The following CLIP1 variants were observed in gnomAD, a reference collection of about 807,000 sequenced individuals.
The protein encoded by CLIP1 is CAP-Gly domain-containing linker protein 1.
Under a neutral mutation model 161.6 loss-of-function variants are expected in CLIP1, and 66 were observed. The observed-to-expected ratio is 0.41, with a 90% CI of 0.33 to 0.50. CLIP1 has a LOEUF of 0.50. CLIP1 is among the 20% of genes least tolerant of loss of function. The pLI, the probability that CLIP1 is intolerant of heterozygous loss-of-function variation, is 0.27. For synonymous variants in CLIP1, 598 were observed against 626.2 expected, an observed-to-expected ratio of 0.96 and a Z score of 0.67; for missense variants, 1,376 against 1,702.0, an observed-to-expected ratio of 0.81 and a Z score of 3.37.
At chr12:122,293,911 TCTC>T (rs1370847966) in intron 20 of CLIP1, among the ~76,000 whole-genome samples, 1 of 151,562 alleles carries the variant, frequency 6.6e-6, no homozygotes, top group South Asian at 2.1e-4. Context: ...TTCACACCAT[TCTC>T]CTGCCTCAGC....
In CLIP1 at chr12:122,272,596, G is replaced by A. The variant is rs1229641875; in HGVS notation, c.*279C>T. On this transcript the variant is annotated 3_prime_UTR_variant, in exon 26 of 26. Transcript: ENST00000620786. ...GGTAGGGGTTTTTCTACAAGGTCGGGGGGCCAATAAATGTAATGGCATCTG... is the reference window on the plus strand; with the variant it reads ...GGTAGGGGTTTTTCTACAAGGTCGGAGGGCCAATAAATGTAATGGCATCTG... 2.6e-6 allele frequency: 1 copy of A among 381,118 alleles called. No homozygotes were observed. Among genetic ancestry groups the A allele is most frequent in the Non-Finnish European group, 4.8e-6 (1 of 207,302 alleles). 23.6% of individuals were successfully genotyped at this position (381,118 alleles called of 1,614,324 possible). A position where few individuals can be genotyped will look rare whatever the true frequency, so the allele number is the denominator to read the frequency against.
At chr12:122,354,157 G>A (rs1485648640) in intron 7 of CLIP1, among the ~76,000 whole-genome samples, 2 of 151,928 alleles carry the variant, frequency 1.3e-5, no homozygotes, top group African/African-American at 4.8e-5. Context: ...CACTTTGGGA[G>A]GCTGAGGCAG....
Position 122,361,200 on chromosome 12 carries a change from A to G in CLIP1, c.783-19T>C. The G allele has an allele frequency of 6.4e-7, 1 of 1,566,588 alleles. No homozygotes were observed. The highest frequency in any genetic ancestry group is 2.3e-5 in the East Asian group (1 of 44,238). Reference sequence around the variant, plus strand: ...AAAATACCTTTAGAGAACAATAAGAACAATAACAAAAAACAACTTAATCAC... The same window carrying G: ...AAAATACCTTTAGAGAACAATAAGAGCAATAACAAAAAACAACTTAATCAC... On this transcript the variant is annotated intron_variant, in intron 4 of 25. Transcript: ENST00000620786.
In CLIP1 at chr12:122,278,818, T is replaced by G; in HGVS notation, c.3890A>C (p.Asn1297Thr). The G allele has an allele frequency of 6.2e-7, 1 of 1,606,624 alleles. No individual in the cohort carries two copies. The highest frequency in any genetic ancestry group is 8.5e-7 in the Non-Finnish European group (1 of 1,177,120). The change falls in exon 23 of 26, where the codon AAC becomes ACC. Residue 1297 changes from asparagine to threonine, a missense_variant. Asn to Thr is a moderately conservative substitution (Grantham distance 65). This residue lies in a region of CLIP1 where 948 missense variants were observed against 1,134.8 expected (regional missense o/e 0.84). Transcript: ENST00000620786. Reference sequence around the variant, plus strand: ...TGAGGAGCTGCTGAGCTGCCTCTTGTTTTCTTTGAGTTGAAGCTCCAAGTT... The same window carrying G: ...TGAGGAGCTGCTGAGCTGCCTCTTGGTTTCTTTGAGTTGAAGCTCCAAGTT... ...VKNLELQLKE[N>T]KRQLSSSSGN...
At chr12:122,389,783 A>AAAAAAAAAG (rs1955510906) in intron 1 of CLIP1, among the ~76,000 whole-genome samples, 1 of 145,230 alleles carries the variant, frequency 6.9e-6, no homozygotes, top group Non-Finnish European at 1.5e-5. Context: ...AAAAAAAAAA[A>AAAAAAAAAG]GAATTTATAA....
At chr12:122,415,723 G>T (rs1956730271) in intron 1 of CLIP1, among the ~76,000 whole-genome samples, 1 of 151,838 alleles carries the variant, frequency 6.6e-6, no homozygotes, top group Non-Finnish European at 1.5e-5. Flanking sequence ...AGAGGCTGAG[G>T]CAGGAGAATT....
At chr12:122,357,188 G>A (rs1397384450) in intron 5 of CLIP1, among the ~76,000 whole-genome samples, 3 of 151,858 alleles carry the variant, frequency 2.0e-5, no homozygotes, top group Non-Finnish European at 2.9e-5. Context: ...CATCTAGGAA[G>A]TGAGGAGCGT....
chr12:122,319,169 A>C, intron 18 of CLIP1, 63 bp downstream of exon 18: 1 of 1,144,584 alleles, frequency 8.7e-7, no homozygotes, highest in Non-Finnish European at 1.3e-6. Context: ...TGAGTCAGTG[A>C]CCAAACATTC....
chr12:122,376,135 G>A (rs367902833), intron 3 of CLIP1, among the ~76,000 whole-genome samples: 1 of 151,708 alleles, frequency 6.6e-6, no homozygotes, highest in East Asian at 2.0e-4. Flanking sequence ...ACGGGGTGTC[G>A]CCATGTTGGC....
At chr12:122,365,524 G>A (rs1046020559) in intron 3 of CLIP1, 4 of 868,550 alleles carry the variant, frequency 4.6e-6, no homozygotes, top group African/African-American at 3.4e-5. Flanking sequence ...AAGGGACCTG[G>A]GTTCAACTCA....
chr12:122,407,713 G>A (rs1359885939), intron 1 of CLIP1, among the ~76,000 whole-genome samples: 6 of 110,178 alleles, frequency 5.4e-5, no homozygotes, highest in East Asian at 2.9e-4. Flanking sequence ...GTGAGAACAC[G>A]TGCTACAAGG....
At chr12:122,417,322 C>T (rs1956789865) in intron 1 of CLIP1, among the ~76,000 whole-genome samples, 1 of 151,570 alleles carries the variant, frequency 6.6e-6, no homozygotes, top group South Asian at 2.1e-4. Context: ...CAAAACAAAA[C>T]TTACTGTGTG....
chr12:122,314,436 A>T (rs1951185907), intron 19 of CLIP1, among the ~76,000 whole-genome samples: 1 of 152,082 alleles, frequency 6.6e-6, no homozygotes, highest in Non-Finnish European at 1.5e-5. Context: ...ACACTACTAC[A>T]CTCCAGTCTG....
intron 19 of CLIP1, among the ~76,000 whole-genome samples, chr12:122,315,005 G>A (rs1167170120): frequency 6.6e-6 from 1 of 152,086 alleles, no homozygotes; most frequent in East Asian, 1.9e-4. Context: ...CTAGAGACCC[G>A]CCATTTAAAC....
intron 1 of CLIP1, among the ~76,000 whole-genome samples, chr12:122,387,513 T>C (rs1029476747): frequency 1.2e-4 from 17 of 145,696 alleles, no homozygotes; most frequent in African/African-American, 3.3e-4. Flanking sequence ...ATAAATAATT[T>C]TGTTAAATTT....
intron 11 of CLIP1, 71 bp downstream of exon 11, chr12:122,340,682 C>T: frequency 2.3e-6 from 3 of 1,304,304 alleles, no homozygotes; most frequent in East Asian, 2.3e-5. Flanking sequence ...ATGATCTCAA[C>T]TCAAAAGTAA....
intron 19 of CLIP1, among the ~76,000 whole-genome samples, chr12:122,313,175 ACT>A (rs1301066018): frequency 6.6e-6 from 1 of 152,132 alleles, no homozygotes; most frequent in Non-Finnish European, 1.5e-5. Flanking sequence ...GTGCCAAGTC[ACT>A]GACAGGAAGA....
intron 1 of CLIP1, among the ~76,000 whole-genome samples, chr12:122,418,677 T>C (rs1956834856): frequency 6.6e-6 from 1 of 152,152 alleles, no homozygotes; most frequent in Non-Finnish European, 1.5e-5. Context: ...GAGGACTGCT[T>C]GAGCCCAGGA....
At chr12:122,314,791 C>T (rs1951200128) in intron 19 of CLIP1, among the ~76,000 whole-genome samples, 2 of 152,216 alleles carry the variant, frequency 1.3e-5, no homozygotes, top group African/African-American at 2.4e-5. Context: ...CTGCACCCTG[C>T]TTCCTGAATG....
Sources: gnomAD v4.1 joint callset for allele counts (sites outside exome capture counted in the v4.1 genomes callset) on GRCh38, gnomAD v4.1.1 for gene constraint, gnomAD v4.1.1 regional missense constraint, MANE v1.5 for transcripts, NCBI Gene and HGNC (gene_info 2026-07-23, HGNC 2026-07-21) for gene names.